The following TET2 variants were observed in gnomAD, a reference collection of about 807,000 sequenced individuals.
TET2 encodes the protein methylcytosine dioxygenase TET2.
Under a neutral mutation model 142.9 loss-of-function variants are expected in TET2, and 299 were observed. The observed-to-expected ratio is 2.09, with a 90% confidence interval of 1.90 to 2.30. TET2 has a LOEUF of 2.30. Ranked by LOEUF, TET2 falls within the 30% of genes most tolerant of loss-of-function variation. The pLI, the probability that TET2 is intolerant of heterozygous loss-of-function variation, is 0.00. For synonymous variants in TET2, 819 were observed against 849.0 expected (o/e 0.96, Z 0.61); for missense variants, 2,418 against 2,378.0 (o/e 1.02, Z -0.35).
chr4:105,220,579 G>A (rs4699166), intron 2 of TET2, among the ~76,000 whole-genome samples: 9,514 of 152,184 alleles, frequency 0.063, 381 homozygotes, highest in Non-Finnish European at 0.091. Context: ...AGGAGATTGG[G>A]CAGGACTGAG....
intron 4 of TET2, 105 bp downstream of exon 4, chr4:105,241,534 A>G: frequency 6.8e-7 from 1 of 1,469,422 alleles, no homozygotes; most frequent in Non-Finnish European, 9.0e-7. Flanking sequence ...TAAATTGAGT[A>G]ATTATTAGTA....
At chr4:105,171,516 A>T (rs1393268607) in intron 1 of TET2, 1 of 152,234 alleles carries the variant, frequency 6.6e-6, no homozygotes, top group South Asian at 2.1e-4. Flanking sequence ...TTAAAAAATG[A>T]CAGGAAGATT....
intron 2 of TET2, among the ~76,000 whole-genome samples, chr4:105,227,124 G>C (rs1466484704): frequency 6.6e-6 from 1 of 152,126 alleles, no homozygotes; most frequent in Non-Finnish European, 1.5e-5. Flanking sequence ...CATGATGCCA[G>C]CTATAACCCA....
At chr4:105,262,463 A>G (rs1730489041) in intron 8 of TET2, among the ~76,000 whole-genome samples, 1 of 152,196 alleles carries the variant, frequency 6.6e-6, no homozygotes. Flanking sequence ...GCAAAAAACT[A>G]AAATCTTCAC....
In TET2 at chr4:105,242,936, G is replaced by T; in HGVS notation, c.3594+9G>T. 6.5e-7 allele frequency: 1 copy of T among 1,547,310 alleles called. No individual in the cohort carries two copies. The highest frequency in any genetic ancestry group is 1.2e-5 in the South Asian group (1 of 83,876). On this transcript the variant is annotated intron_variant, in intron 5 of 10. Transcript: ENST00000380013. ...GTCCTATTGCTAAGTGGGTAAGTGT[G>T]ACTTGATAAAGCCTTTGGTCTTAAA...
chr4:105,242,493 G>GA, intron 4 of TET2: 4 of 1,106,794 alleles, frequency 3.6e-6, no homozygotes, highest in African/African-American at 1.6e-5. Context: ...TTTAGTAAGG[G>GA]AAAAAATAGT....
chr4:105,272,831 A>G lies in TET2; in HGVS notation c.4450A>G (p.Asn1484Asp). 1 of 1,551,578 alleles carries G rather than the reference A, an allele frequency of 6.4e-7. No individual in the cohort carries two copies. The change falls in exon 10 of 11, where the codon AAC becomes GAC. Residue 1484 changes from asparagine to aspartate, a missense_variant. Physicochemically the swap from Asn to Asp is conservative, Grantham distance 23 (BLOSUM62 1). Transcript: ENST00000380013. ...AAAEKLSSLE[N>D]SSNKNEKEKS... ...AGCTGAAAAGCTTTCCTCCCTGGAG[A>G]ACAGCTCAAATAAAAATGAAAAGGA...
chr4:105,149,609 A>G (rs997043966), intron 1 of TET2, among the ~76,000 whole-genome samples: 1 of 152,238 alleles, frequency 6.6e-6, no homozygotes, highest in Non-Finnish European at 1.5e-5. Flanking sequence ...TAGGAACATG[A>G]TAATGGACAA....
intron 2 of TET2, among the ~76,000 whole-genome samples, chr4:105,214,240 CGG>C (rs1727341840): frequency 6.6e-6 from 1 of 150,420 alleles, no homozygotes; most frequent in African/African-American, 2.4e-5. Flanking sequence ...TGTTGGACCT[CGG>C]GGCAGGCCTT....
intron 1 of TET2, among the ~76,000 whole-genome samples, chr4:105,168,118 C>G (rs1446512390): frequency 6.6e-6 from 1 of 152,102 alleles, no homozygotes; most frequent in African/African-American, 2.4e-5. Flanking sequence ...GCTTTGCTCC[C>G]CCTTCTTACC....
chr4:105,151,128 G>T (rs555890560), intron 1 of TET2, among the ~76,000 whole-genome samples: 30 of 152,148 alleles, frequency 2.0e-4, no homozygotes, highest in Non-Finnish European at 3.5e-4. Flanking sequence ...AAACCACCCT[G>T]GGCAACACAG....
chr4:105,210,918 A>G (rs1727120547), intron 2 of TET2, among the ~76,000 whole-genome samples: 1 of 152,194 alleles, frequency 6.6e-6, no homozygotes, highest in African/African-American at 2.4e-5. Flanking sequence ...GATCTTTTAA[A>G]GGTCTAAATC....
intron 2 of TET2, among the ~76,000 whole-genome samples, chr4:105,233,629 T>C (rs1728641888): frequency 6.6e-6 from 1 of 152,208 alleles, no homozygotes; most frequent in Admixed American, 6.5e-5. Flanking sequence ...ACTAAGAGTA[T>C]GAACTTCCCA....
At chr4:105,186,561 C>T (rs1405795214) in intron 1 of TET2, among the ~76,000 whole-genome samples, 3 of 150,952 alleles carry the variant, frequency 2.0e-5, no homozygotes, top group Non-Finnish European at 3.0e-5. Context: ...TTGCAACCTC[C>T]GCCTCCTGGA....
Position 105,275,102 on chromosome 4 carries a change from T to TA in TET2, c.4593dup (p.Gln1532ThrfsTer46). On this transcript the variant is annotated frameshift_variant, in exon 11 of 11. Coordinates refer to ENST00000380013, the MANE Select transcript of TET2 (RefSeq NM_001127208.3). LOFTEE classifies it low-confidence loss of function (END_TRUNC). ...CAGCAGTCCCAGCAGCCCCAGCCTC[T>TA]ACAGAAGCAGCCACCACAGCCCCAG... The TA allele has an allele frequency of 6.4e-7, 1 of 1,550,990 alleles. No individual in the cohort carries two copies. The highest frequency in any genetic ancestry group is 8.7e-7 in the Non-Finnish European group (1 of 1,146,636).
intron 2 of TET2, among the ~76,000 whole-genome samples, chr4:105,213,017 C>T (rs1008309122): frequency 6.6e-6 from 1 of 151,932 alleles, no homozygotes; most frequent in Non-Finnish European, 1.5e-5. Context: ...TAATTTTCCC[C>T]ATTCCCCCAC....
chr4:105,220,110 G>A (rs1727727995), intron 2 of TET2, among the ~76,000 whole-genome samples: 1 of 152,068 alleles, frequency 6.6e-6, no homozygotes, highest in Middle Eastern at 3.2e-3. Context: ...TACCTTGACA[G>A]ATTATTTTTA....
chr4:105,239,071 T>TTTGTTTTTTTG (rs1729127125), intron 3 of TET2: 2 of 124,276 alleles, frequency 1.6e-5, no homozygotes, highest in Non-Finnish European at 1.6e-5. Context: ...GGTTTTGTTT[T>TTTGTTTTTTTG]TTGTTTTTTT....
At chr4:105,151,938 G>A (rs775031366) in intron 1 of TET2, among the ~76,000 whole-genome samples, 3 of 152,080 alleles carry the variant, frequency 2.0e-5, no homozygotes, top group Non-Finnish European at 4.4e-5. Context: ...AGCCGGGCAT[G>A]GTGGCACACA....
Sources: gnomAD v4.1 joint callset for allele counts (sites outside exome capture counted in the v4.1 genomes callset) on GRCh38, gnomAD v4.1.1 for gene constraint, MANE v1.5 for transcripts, NCBI Gene and HGNC (gene_info 2026-07-23, HGNC 2026-07-21) for gene names.